Variants in PRSS48 observed in about 807,000 individuals in gnomAD.
PRSS48 encodes the protein epidermis-specific serine protease-like protein.
A neutral mutation model predicts 25.6 loss-of-function variants in PRSS48; 21 were observed. The observed-to-expected ratio is 0.82, with a 90% CI of 0.58 to 1.18. The LOEUF is 1.18. PRSS48 is among the 50% of genes most tolerant of loss of function. The probability of loss-of-function intolerance (pLI) is 0.00; values close to 1 mark genes in which losing one functional copy is unlikely to be tolerated. For missense variants in PRSS48, 373 were observed against 399.3 expected (o/e 0.93, Z 0.56); for synonymous variants, 150 against 149.3 (o/e 1.00, Z -0.04).
intron 1 of PRSS48, chr4:151,279,207 G>C (rs1271744870): frequency 7.9e-6 from 2 of 253,512 alleles, no homozygotes; most frequent in Non-Finnish European, 1.5e-5. Context: ...AGAAAGAAGA[G>C]AAAGAGAAAT....
chr4:151,283,204 T>C, exon 4 of PRSS48: 2 of 1,613,904 alleles, frequency 1.2e-6, no homozygotes, highest in South Asian at 2.2e-5. Flanking sequence ...CCCATCGGTA[T>C]CTTCTTGCCA....
At chr4:151,281,176 T>C (rs116650547) in intron 2 of PRSS48, among the ~76,000 whole-genome samples, 1,749 of 152,234 alleles carry the variant, frequency 0.011, 33 homozygotes, top group African/African-American at 0.038. Flanking sequence ...AAGATAGTAT[T>C]GATAGAATGC....
In PRSS48 at chr4:151,283,299, T is replaced by A. The variant is rs1444216542; in HGVS notation, c.651+13T>A. On this transcript the variant is annotated intron_variant, in intron 4 of 4. Coordinates refer to ENST00000455694, the Ensembl canonical transcript of PRSS48. Reference sequence around the variant, plus strand: ...GGATAGTTGCAAGGTCAGGGTTTGCTCTAGAGAATTTTTTTTTAAACATGA... The same window carrying A: ...GGATAGTTGCAAGGTCAGGGTTTGCACTAGAGAATTTTTTTTTAAACATGA... The A allele has an allele frequency of 6.2e-6, 10 of 1,608,190 alleles. No homozygotes were observed. Among genetic ancestry groups the A allele is most frequent in the Non-Finnish European group, 8.5e-6 (10 of 1,176,620 alleles).
At chr4:151,280,343 C>T (rs895656919) in intron 2 of PRSS48, among the ~76,000 whole-genome samples, 9 of 152,042 alleles carry the variant, frequency 5.9e-5, no homozygotes, top group African/African-American at 2.2e-4. Context: ...TAGTCAACAG[C>T]GAGAAGACCC....
chr4:151,289,411 A>C (rs1395482471), intron 4 of PRSS48, among the ~76,000 whole-genome samples: 1 of 152,228 alleles, frequency 6.6e-6, no homozygotes, highest in East Asian at 1.9e-4. Flanking sequence ...TTTATGCTTC[A>C]ATGGACACCA....
chr4:151,281,509 CCA>C (rs1774234502), intron 2 of PRSS48, among the ~76,000 whole-genome samples: 1 of 151,958 alleles, frequency 6.6e-6, no homozygotes, highest in Non-Finnish European at 1.5e-5. Context: ...TCCTCACCTT[CCA>C]CACTAGGAAC....
At chr4:151,290,081 G>A (rs1363832757) in intron 4 of PRSS48, among the ~76,000 whole-genome samples, 2 of 152,188 alleles carry the variant, frequency 1.3e-5, no homozygotes, top group Admixed American at 6.5e-5. Flanking sequence ...GAGTGGTTGG[G>A]ATGACAGGCA....
At chr4:151,283,697 A>G (rs1342419271) in intron 4 of PRSS48, among the ~76,000 whole-genome samples, 1 of 151,304 alleles carries the variant, frequency 6.6e-6, no homozygotes, top group Non-Finnish European at 1.5e-5. Context: ...TACTTTTTTC[A>G]TTTTTTTGTA....
At chr4:151,279,223 A>C (rs1773938308) in intron 1 of PRSS48, 1 of 222,038 alleles carries the variant, frequency 4.5e-6, no homozygotes, top group South Asian at 5.4e-5. Context: ...GAAATGTGGA[A>C]ATCTTTTTCT....
At chr4:151,283,271 G>A (rs1282971049) in exon 4 of PRSS48, 1 of 1,613,600 alleles carries the variant, frequency 6.2e-7, no homozygotes, top group East Asian at 2.2e-5. Flanking sequence ...CTCAAAACAT[G>A]AAGGATAGTT....
At chr4:151,282,119 T>C (rs774597280) in intron 2 of PRSS48, 29 bp from the exon 3 acceptor site, 1 of 1,610,426 alleles carries the variant, frequency 6.2e-7, no homozygotes, top group East Asian at 2.2e-5. Flanking sequence ...CTGCAGGCCA[T>C]AAGCAGGCCT....
chr4:151,280,717 G>C (rs1440240977), intron 2 of PRSS48, among the ~76,000 whole-genome samples: 1 of 151,958 alleles, frequency 6.6e-6, no homozygotes, highest in African/African-American at 2.4e-5. Context: ...CTTGAGCCTA[G>C]GAGTTCAAGG....
intron 4 of PRSS48, 67 bp from the exon 5 acceptor site, chr4:151,291,051 C>A: frequency 1.6e-6 from 2 of 1,242,578 alleles, no homozygotes; most frequent in Non-Finnish European, 2.2e-6. Flanking sequence ...AATTCTCCAC[C>A]CCTTATTACT....
rs748025033 is a variant in PRSS48 at position 151,283,321 on chromosome 4, A to G, written c.651+35A>G. ...TGCTCTAGAGAATTTTTTTTTAAACATGAGATCTTAATTTGGATCCAGGTT... is the reference window on the plus strand; with the variant it reads ...TGCTCTAGAGAATTTTTTTTTAAACGTGAGATCTTAATTTGGATCCAGGTT... On this transcript the variant is annotated intron_variant, in intron 4 of 4. Coordinates refer to ENST00000455694, the Ensembl canonical transcript of PRSS48. The G allele has an allele frequency of 5.6e-6, 9 of 1,599,056 alleles. No homozygotes were observed. In the East Asian group the frequency reaches 1.1e-4, roughly 20 times the overall value.
intron 4 of PRSS48, among the ~76,000 whole-genome samples, chr4:151,286,777 C>T (rs1264222923): frequency 6.6e-6 from 1 of 151,342 alleles, no homozygotes. Flanking sequence ...GCCAGGAGTT[C>T]GAGACGAGCC....
intron 4 of PRSS48, among the ~76,000 whole-genome samples, chr4:151,284,955 G>C (rs1417265418): frequency 6.6e-6 from 1 of 152,108 alleles, no homozygotes; most frequent in Non-Finnish European, 1.5e-5. Context: ...CTCCTTTCTG[G>C]TATATTTCCC....
intron 4 of PRSS48, among the ~76,000 whole-genome samples, chr4:151,286,422 C>A (rs1774793036): frequency 1.3e-5 from 2 of 150,422 alleles, no homozygotes; most frequent in African/African-American, 2.4e-5. Flanking sequence ...TACTACCAAC[C>A]TTACAGAAAT....
chr4:151,286,197 A>AC (rs1413607897), intron 4 of PRSS48, among the ~76,000 whole-genome samples: 1 of 149,988 alleles, frequency 6.7e-6, no homozygotes, highest in Non-Finnish European at 1.5e-5. Flanking sequence ...AAAAAAAAAA[A>AC]AAAAAAACAA....
At chr4:151,291,237 C>T in exon 5 of PRSS48, 1 of 1,613,870 alleles carries the variant, frequency 6.2e-7, no homozygotes, top group Non-Finnish European at 8.5e-7. Flanking sequence ...ATGTAATCTA[C>T]TACCAAAAAT....
Sources: allele counts gnomAD v4.1 joint callset (sites outside exome capture counted in the v4.1 genomes callset), GRCh38; gene constraint gnomAD v4.1.1; transcripts MANE v1.5; gene names NCBI Gene and HGNC (gene_info 2026-07-23, HGNC 2026-07-21).